Variants in CDH13 observed in about 807,000 individuals in gnomAD.
The protein encoded by CDH13 is cadherin-13.
In CDH13, 24 loss-of-function variants were observed where a neutral mutation model predicts 63.8. The ratio of observed to expected loss-of-function variants is 0.38; its 90% CI spans 0.27 to 0.53. The LOEUF (loss-of-function observed/expected upper bound fraction) is 0.53, where lower values mean the gene tolerates loss of function less well. Among genes scored for constraint, CDH13 ranks in the 20% least tolerant of loss-of-function variants. CDH13 has a pLI of 0.85. For missense variants in CDH13, 1,049 were observed against 903.1 expected, an observed-to-expected ratio of 1.16 and a Z score of -2.07; for synonymous variants, 503 against 355.3, an observed-to-expected ratio of 1.42 and a Z score of -4.67.
At chr16:83,312,639 T>C (rs1165086301) in intron 5 of CDH13, among the ~76,000 whole-genome samples, 1 of 151,812 alleles carries the variant, frequency 6.6e-6, no homozygotes, top group Non-Finnish European at 1.5e-5. Flanking sequence ...CACAGAGAGG[T>C]AATGGCCAAA....
chr16:83,768,335 T>TA (rs1203721723), intron 11 of CDH13, among the ~76,000 whole-genome samples: 1 of 152,150 alleles, frequency 6.6e-6, no homozygotes, highest in Non-Finnish European at 1.5e-5. Flanking sequence ...TTTCATGAAA[T>TA]AAAATCCCTG....
chr16:83,048,844 C>G lies in CDH13; in HGVS notation c.366+16626C>G, dbSNP rs1349622499. On this transcript the variant is annotated intron_variant, in intron 3 of 13. Coordinates refer to ENST00000567109, the MANE Select transcript of CDH13 (RefSeq NM_001257.5). ...CGTGGTCAAATCTTCCCAGGCGAAA[C>G]CAAATTATTTCTCCTTCAAATCGCT... Among the ~76,000 whole-genome samples the G allele has an allele frequency of 4.6e-5, 7 of 152,148 alleles. No homozygotes were observed. In the East Asian group the frequency reaches 1.4e-3, roughly 29 times the overall value.
chr16:83,079,726 A>C (rs1226110128), intron 3 of CDH13, among the ~76,000 whole-genome samples: 1 of 152,244 alleles, frequency 6.6e-6, no homozygotes, highest in African/African-American at 2.4e-5. Context: ...TCCTTTTTAT[A>C]AATAAACATA....
At chr16:83,737,517 T>G (rs578026675) in intron 10 of CDH13, among the ~76,000 whole-genome samples, 117 of 152,308 alleles carry the variant, frequency 7.7e-4, no homozygotes, top group Middle Eastern at 3.4e-3. Context: ...TTCTTTTTTT[T>G]TTGGGAAATA....
intron 1 of CDH13, among the ~76,000 whole-genome samples, chr16:82,648,708 T>G (rs1028899451): frequency 6.6e-6 from 1 of 152,260 alleles, no homozygotes; most frequent in Non-Finnish European, 1.5e-5. Flanking sequence ...AAGTCTCCAT[T>G]GATACACTTG....
At chr16:83,464,876 C>T (rs887621164) in intron 6 of CDH13, among the ~76,000 whole-genome samples, 13 of 152,290 alleles carry the variant, frequency 8.5e-5, no homozygotes, top group Admixed American at 2.0e-4. Flanking sequence ...CGCCTGACCT[C>T]AAGTGATCTC....
chr16:82,652,693 A>G (rs547335158), intron 1 of CDH13, among the ~76,000 whole-genome samples: 2 of 148,262 alleles, frequency 1.3e-5, no homozygotes, highest in South Asian at 4.2e-4. Context: ...ACTGGCCTGC[A>G]TTACCTAGAA....
chr16:83,725,831 G>C (rs1055196392), intron 10 of CDH13: 2 of 152,208 alleles, frequency 1.3e-5, no homozygotes, highest in Non-Finnish European at 2.9e-5. Flanking sequence ...TTCTGAGCTG[G>C]ACAGAATACA....
At chr16:82,977,502 A>C (rs1032004713) in intron 2 of CDH13, among the ~76,000 whole-genome samples, 12 of 152,144 alleles carry the variant, frequency 7.9e-5, no homozygotes, top group African/African-American at 2.9e-4. Context: ...ATGGTTTTAT[A>C]TGGGGCTTTT....
intron 6 of CDH13, among the ~76,000 whole-genome samples, chr16:83,406,475 CT>C (rs1246136437): frequency 2.0e-5 from 3 of 146,728 alleles, no homozygotes; most frequent in African/African-American, 7.5e-5. Flanking sequence ...CTCTCTCTTT[CT>C]TTCTTTCAGT....
At chr16:83,176,240 G>C (rs1242516417) in intron 4 of CDH13, among the ~76,000 whole-genome samples, 1 of 151,850 alleles carries the variant, frequency 6.6e-6, no homozygotes, top group Non-Finnish European at 1.5e-5. Flanking sequence ...GGCTACGCTT[G>C]GTGGCTCACG....
chr16:82,795,145 T>G (rs2036520106), intron 1 of CDH13, among the ~76,000 whole-genome samples: 1 of 152,258 alleles, frequency 6.6e-6, no homozygotes, highest in Admixed American at 6.5e-5. Flanking sequence ...TTTCTGCAGT[T>G]GGCTAATCCA....
At chr16:83,181,490 G>A (rs913849633) in intron 4 of CDH13, among the ~76,000 whole-genome samples, 2 of 152,220 alleles carry the variant, frequency 1.3e-5, no homozygotes, top group African/African-American at 2.4e-5. Flanking sequence ...TTGGGCTGTA[G>A]TACTTGACAA....
chr16:82,721,224 G>A (rs1313841199), intron 1 of CDH13, among the ~76,000 whole-genome samples: 2 of 151,846 alleles, frequency 1.3e-5, no homozygotes, highest in African/African-American at 4.8e-5. Context: ...CCCCACCCTT[G>A]ATAAGCCATG....
intron 2 of CDH13, among the ~76,000 whole-genome samples, chr16:82,970,007 A>G (rs1908466218): frequency 1.3e-5 from 2 of 151,736 alleles, no homozygotes; most frequent in South Asian, 2.1e-4. Flanking sequence ...TTACGTAGGT[A>G]TACACGTGCT....
intron 5 of CDH13, among the ~76,000 whole-genome samples, chr16:83,252,138 G>GTATATATATATA (rs59872467): frequency 8.3e-6 from 1 of 121,024 alleles, no homozygotes; most frequent in African/African-American, 2.8e-5. Flanking sequence ...ACATATATAT[G>GTATATATATATA]TATATATATA....
intron 5 of CDH13, among the ~76,000 whole-genome samples, chr16:83,231,708 A>G (rs1177021340): frequency 1.3e-5 from 2 of 152,164 alleles, no homozygotes; most frequent in Non-Finnish European, 2.9e-5. Flanking sequence ...CAAAGCCAAA[A>G]GGACTTACTC....
chr16:82,910,025 T>C (rs1008354632), intron 2 of CDH13, among the ~76,000 whole-genome samples: 2 of 152,214 alleles, frequency 1.3e-5, no homozygotes, highest in African/African-American at 4.8e-5. Context: ...TGAAATGTAC[T>C]TGGAAGTAGT....
chr16:83,727,256 C>T (rs981172813), intron 10 of CDH13, among the ~76,000 whole-genome samples: 2 of 148,634 alleles, frequency 1.3e-5, no homozygotes, highest in South Asian at 2.1e-4. Context: ...GACATTTCAT[C>T]GGAATGAAAT....
Sources: gnomAD v4.1 joint callset for allele counts (sites outside exome capture counted in the v4.1 genomes callset) on GRCh38, gnomAD v4.1.1 for gene constraint, MANE v1.5 for transcripts, NCBI Gene and HGNC (gene_info 2026-07-23, HGNC 2026-07-21) for gene names.